BIVM: variants seen among roughly 807,000 people sequenced by gnomAD.
The protein encoded by BIVM is basic, immunoglobulin-like variable motif containing.
In BIVM, 31 loss-of-function variants were observed where a neutral mutation model predicts 61.4. The ratio of observed to expected loss-of-function variants is 0.51; its 90% CI spans 0.38 to 0.68. The LOEUF (loss-of-function observed/expected upper bound fraction) is 0.68, where lower values mean the gene tolerates loss of function less well. BIVM is among the 30% of genes least tolerant of loss of function. The probability of loss-of-function intolerance (pLI) is 0.00; values close to 1 mark genes in which losing one functional copy is unlikely to be tolerated. For synonymous variants in BIVM, 189 were observed against 210.7 expected (o/e 0.90, Z 0.89); for missense variants, 526 against 596.0 (o/e 0.88, Z 1.22).
intron 7 of BIVM, among the ~76,000 whole-genome samples, chr13:102,829,998 A>G (rs1880954574): frequency 6.6e-6 from 1 of 152,184 alleles, no homozygotes; most frequent in Non-Finnish European, 1.5e-5. Flanking sequence ...AAACTAGATC[A>G]CGGGCTGTTC....
chr13:102,817,247 C>T (rs1879925542), intron 4 of BIVM, among the ~76,000 whole-genome samples: 1 of 152,168 alleles, frequency 6.6e-6, no homozygotes, highest in African/African-American at 2.4e-5. Context: ...TATAGAATGT[C>T]CTACATTCCA....
At chr13:102,808,358 G>C (rs1272628263) in intron 3 of BIVM, among the ~76,000 whole-genome samples, 1 of 152,170 alleles carries the variant, frequency 6.6e-6, no homozygotes, top group Non-Finnish European at 1.5e-5. Context: ...GGCAGGTACT[G>C]TTAGCCCCAT....
At position 102,821,858 on chromosome 13, in the gene BIVM, C is replaced by A. The variant is rs775019587; in HGVS notation, c.806+11C>A. ...TACAACACTTATGAGGTATGAAGAC[C>A]CTCTTAGAGGCAATATCGTGTTTCT... On this transcript the variant is annotated intron_variant, in intron 6 of 10. Coordinates refer to ENST00000257336, the MANE Select transcript of BIVM (RefSeq NM_017693.4). The A allele has an allele frequency of 9.9e-6, 16 of 1,608,226 alleles. No individual in the cohort carries two copies. The highest frequency in any genetic ancestry group is 1.2e-5 in the Non-Finnish European group (14 of 1,177,774).
chr13:102,837,152 C>T (rs1334142887), intron 9 of BIVM, among the ~76,000 whole-genome samples: 3 of 151,980 alleles, frequency 2.0e-5, no homozygotes, highest in Non-Finnish European at 2.9e-5. Context: ...GTGGCATGTG[C>T]GTGTAGTTTC....
At chr13:102,829,614 G>A (rs1019672676) in intron 7 of BIVM, among the ~76,000 whole-genome samples, 3 of 152,036 alleles carry the variant, frequency 2.0e-5, no homozygotes, top group African/African-American at 4.8e-5. Flanking sequence ...TGAGAGGGGC[G>A]GGACACTTGA....
intron 3 of BIVM, among the ~76,000 whole-genome samples, chr13:102,810,069 A>G (rs1245663727): frequency 6.6e-6 from 1 of 152,048 alleles, no homozygotes; most frequent in African/African-American, 2.4e-5. Flanking sequence ...CACCCCGCCC[A>G]GCCCTTCTTT....
rs181486113 is a variant in BIVM at position 102,806,523 on chromosome 13, A to T, written c.-122-623A>T. On this transcript the variant is annotated intron_variant, in intron 2 of 10. Transcript: ENST00000257336. ...CCTTGGCCTCCCAAAGTGCTGGATT[A>T]CAGGTGTGAGTGACTGCGCCTGGCC... 6.8e-4 allele frequency among the ~76,000 whole-genome samples: 103 copies of T among 152,340 alleles called. 1 individual carries two copies. Among genetic ancestry groups the T allele is most frequent in the African/African-American group, 2.1e-3 (89 of 41,584 alleles).
At chr13:102,836,120 C>T (rs1175059950) in intron 9 of BIVM, among the ~76,000 whole-genome samples, 4 of 152,108 alleles carry the variant, frequency 2.6e-5, no homozygotes, top group Non-Finnish European at 5.9e-5. Flanking sequence ...AGAAAATTCT[C>T]CAAAGTGGTT....
intron 1 of BIVM, among the ~76,000 whole-genome samples, chr13:102,799,839 AG>A (rs1399859352): frequency 6.6e-6 from 1 of 152,164 alleles, no homozygotes; most frequent in Non-Finnish European, 1.5e-5. Context: ...TGGTGAACAA[AG>A]CTCGATTAGG....
rs551731155 is a variant in BIVM at position 102,826,604 on chromosome 13, C to T, written c.901+4445C>T. ...TGGAACGAATGTCATACTTACGTGTCGGATATAATGGAAAGCTATTACAAT... is the reference window on the plus strand; with the variant it reads ...TGGAACGAATGTCATACTTACGTGTTGGATATAATGGAAAGCTATTACAAT... On this transcript the variant is annotated intron_variant, in intron 7 of 10. Transcript: ENST00000257336. Among the ~76,000 whole-genome samples the T allele has an allele frequency of 1.2e-4, 19 of 152,218 alleles. 1 individual carries two copies. The highest frequency in any genetic ancestry group is 2.2e-4 in the Non-Finnish European group (15 of 68,004).
Position 102,839,828 on chromosome 13 carries a change from G to T in BIVM, c.1475G>T (p.Gly492Val). ...AGTATCCATGAGAGAAGGAACAGTG[G>T]TTACCAGGGTTACAGTGATTACGAT... is the stretch of plus-strand genomic sequence containing the variant. ...MSSIHERRNSGYQGYSDYDGN... is the reference protein window; with the variant it reads ...MSSIHERRNSVYQGYSDYDGN... The change falls in exon 11 of 11, where the codon GGT (glycine) becomes GTT (valine). Residue 492 changes from glycine to valine, a missense_variant. By Grantham distance (109) the Gly-to-Val change is moderately radical (BLOSUM62 -3). Transcript: ENST00000257336. 1.9e-6 allele frequency: 3 copies of T among 1,613,468 alleles called. No homozygotes were observed. The highest frequency in any genetic ancestry group is 2.5e-6 in the Non-Finnish European group (3 of 1,180,030).
At chr13:102,821,420 C>T (rs1462901130) in intron 5 of BIVM, among the ~76,000 whole-genome samples, 1 of 151,840 alleles carries the variant, frequency 6.6e-6, no homozygotes, top group Non-Finnish European at 1.5e-5. Flanking sequence ...CAAAGCAAGA[C>T]CCCACCTCTA....
intron 4 of BIVM, among the ~76,000 whole-genome samples, chr13:102,817,038 C>G (rs1251085791): frequency 6.6e-6 from 1 of 152,132 alleles, no homozygotes; most frequent in Non-Finnish European, 1.5e-5. Context: ...CCAGATTGTT[C>G]TGAAAAGGTC....
At chr13:102,819,688 G>A (rs1259724161) in intron 4 of BIVM, among the ~76,000 whole-genome samples, 2 of 152,008 alleles carry the variant, frequency 1.3e-5, no homozygotes, top group African/African-American at 2.4e-5. Flanking sequence ...GTTGATAGAT[G>A]CAGCAAACCA....
rs188224633 is a variant in BIVM, at chr13:102,835,107, G to A, written c.1121+555G>A. Among the ~76,000 whole-genome samples the A allele has an allele frequency of 6.3e-3, 965 of 152,142 alleles. 11 individuals carry two copies. Among genetic ancestry groups the A allele is most frequent in the African/African-American group, 0.02 (831 of 41,508 alleles). ...AAAGTTCACTGCACCCACCATGCGCGGTGGCTCATGCCTGTAATCCCAGCA... is the reference window on the plus strand; with the variant it reads ...AAAGTTCACTGCACCCACCATGCGCAGTGGCTCATGCCTGTAATCCCAGCA... On this transcript the variant is annotated intron_variant, in intron 9 of 10. Coordinates refer to ENST00000257336, the MANE Select transcript of BIVM (RefSeq NM_017693.4).
intron 5 of BIVM, among the ~76,000 whole-genome samples, chr13:102,821,364 C>T (rs9300765): frequency 0.24 from 37,138 of 151,908 alleles, 4,665 homozygotes; most frequent in East Asian, 0.43. Flanking sequence ...AAGGCCAAGG[C>T]GGGAGTATTG....
intron 1 of BIVM, chr13:102,801,416 T>A (rs1312795102): frequency 6.6e-6 from 1 of 152,022 alleles, no homozygotes; most frequent in Non-Finnish European, 1.5e-5. Flanking sequence ...TGTATTTTTT[T>A]ATTTTTTATT....
Position 102,811,150 on chromosome 13 carries a change from G to T in BIVM, c.478+3405G>T, listed in dbSNP as rs143421021. On this transcript the variant is annotated intron_variant, in intron 3 of 10. Coordinates refer to ENST00000257336, the MANE Select transcript of BIVM (RefSeq NM_017693.4). ...ATAACACTGGCTTTTATAATTGTTCGTGTATTACCTTCACTGAGGTAAATT... is the reference window on the plus strand; with the variant it reads ...ATAACACTGGCTTTTATAATTGTTCTTGTATTACCTTCACTGAGGTAAATT... 2.0e-5 allele frequency among the ~76,000 whole-genome samples: 3 copies of T among 152,284 alleles called. No individual in the cohort carries two copies. In the South Asian group the frequency reaches 6.2e-4, roughly 32 times the overall value.
At chr13:102,833,850 G>A (rs1191601383) in intron 8 of BIVM, among the ~76,000 whole-genome samples, 2 of 152,162 alleles carry the variant, frequency 1.3e-5, no homozygotes, top group African/African-American at 4.8e-5. Flanking sequence ...TGTAAGTGAG[G>A]TATACTGTAT....
Sources: allele counts gnomAD v4.1 joint callset (sites outside exome capture counted in the v4.1 genomes callset), GRCh38; gene constraint gnomAD v4.1.1; transcripts MANE v1.5; gene names NCBI Gene and HGNC (gene_info 2026-07-23, HGNC 2026-07-21).